STAG3: variants seen among roughly 807,000 people sequenced by gnomAD.
STAG3 encodes the protein cohesin subunit SA-3.
Under a neutral mutation model 160.7 loss-of-function variants are expected in STAG3, and 101 were observed. The observed-to-expected ratio is 0.63, with a 90% CI of 0.54 to 0.74. The LOEUF (loss-of-function observed/expected upper bound fraction) is 0.74, where lower values mean the gene tolerates loss of function less well. Among genes scored for constraint, STAG3 ranks in the 30% least tolerant of loss-of-function variants. The pLI is 0.00. For synonymous variants in STAG3, 519 were observed against 585.0 expected (o/e 0.89, Z 1.63); for missense variants, 1,188 against 1,517.4 (o/e 0.78, Z 3.61).
chr7:100,213,863 G>C, intron 33 of STAG3, 57 bp downstream of exon 33: 1 of 1,613,730 alleles, frequency 6.2e-7, no homozygotes, highest in East Asian at 2.2e-5. Flanking sequence ...CAGGCAACCC[G>C]TGCACTCATC....
At chr7:100,179,477 A>T (rs955972707) in intron 1 of STAG3, among the ~76,000 whole-genome samples, 1 of 152,064 alleles carries the variant, frequency 6.6e-6, no homozygotes, top group Non-Finnish European at 1.5e-5. Context: ...CTCCCGCCTC[A>T]GCCGCCTAAA....
chr7:100,189,204 A>G (rs1229793209), intron 7 of STAG3, among the ~76,000 whole-genome samples, 188 bp downstream of exon 7: 1 of 151,966 alleles, frequency 6.6e-6, no homozygotes, highest in Non-Finnish European at 1.5e-5. Context: ...CACAGCAACA[A>G]TTTCCAGGTT....
intron 32 of STAG3, 84 bp downstream of exon 32, chr7:100,211,960 C>T: frequency 8.0e-7 from 1 of 1,254,804 alleles, no homozygotes; most frequent in Admixed American, 2.1e-5. Context: ...CCTCTCTCCG[C>T]TCGGTGATGC....
rs767357096 is a variant in STAG3, at chr7:100,199,337, C to T, written c.1543C>T (p.Leu515=). 2.5e-6 allele frequency: 4 copies of T among 1,614,134 alleles called. No individual in the cohort carries two copies. In the South Asian group the frequency reaches 4.4e-5, roughly 18 times the overall value. The stretch of plus-strand genomic sequence containing the variant: ...GGCTCGGCTGAAGGACTGGGAGGGT[C>T]TGACAAGCCTGCTGCTGGAGAAGGA... The part of the protein sequence containing the change: ...AGARLKDWEG[L]TSLLLEKDQN... The change falls in exon 15 of 34, where the codon CTG becomes TTG. Residue 515 remains leucine, a synonymous_variant. Coordinates refer to ENST00000615138, the MANE Select transcript of STAG3 (RefSeq NM_001282717.2).
chr7:100,197,536 G>A (rs1462044420), intron 10 of STAG3: 1 of 642,756 alleles, frequency 1.6e-6, no homozygotes, highest in Non-Finnish European at 2.8e-6. Flanking sequence ...GTTATTGATG[G>A]ATGGTAATGC....
At position 100,200,522 on chromosome 7, in the gene STAG3, T is replaced by C. The variant is rs1207955503; in HGVS notation, c.1840T>C (p.Cys614Arg). 1 of 1,614,084 alleles carries C rather than the reference T, an allele frequency of 6.2e-7. No individual in the cohort carries two copies. The change falls in exon 18 of 34, where the codon TGC becomes CGC. Residue 614 changes from cysteine (C) to arginine (R), a missense_variant. Transcript: ENST00000615138. ...LLSCFDLHIY[C>R]TGRLEKHLEL... ...CAGCTGCTTTGACCTCCACATCTAC[T>C]GCACTGGGCGCTTGGAGAAGGTAGG...
intron 11 of STAG3, 26 bp from the exon 12 acceptor site, chr7:100,198,061 A>G: frequency 6.2e-7 from 1 of 1,612,192 alleles, no homozygotes; most frequent in South Asian, 1.1e-5. Context: ...GTAATGAGAT[A>G]TTGAGTGACT....
At chr7:100,213,276 ATG>A in intron 32 of STAG3, 1 of 1,010,948 alleles carries the variant, frequency 9.9e-7, no homozygotes, top group African/African-American at 1.7e-5. Context: ...GGATTTCAAT[ATG>A]TGGGTTTAGG....
At chr7:100,214,744 T>G (rs965647888), downstream of STAG3, among the ~76,000 whole-genome samples, 5 of 152,164 alleles carry the variant, frequency 3.3e-5, no homozygotes, top group African/African-American at 1.2e-4. Context: ...AATTTTATCC[T>G]CATCCCAAAG....
intron 9 of STAG3, 30 bp downstream of exon 9, chr7:100,195,412 A>C: frequency 1.2e-6 from 2 of 1,602,820 alleles, no homozygotes; most frequent in Non-Finnish European, 1.7e-6. Flanking sequence ...TCATTGAAGC[A>C]GCTGGCCTTT....
downstream of STAG3, among the ~76,000 whole-genome samples, chr7:100,217,116 T>A (rs1802828977): frequency 6.6e-6 from 1 of 152,178 alleles, no homozygotes; most frequent in Non-Finnish European, 1.5e-5. Flanking sequence ...ACAATGTTTT[T>A]ATCTACACTT....
At chr7:100,185,970 T>G (rs1799974208) in intron 4 of STAG3, among the ~76,000 whole-genome samples, 1 of 152,236 alleles carries the variant, frequency 6.6e-6, no homozygotes, top group African/African-American at 2.4e-5. Context: ...CCCCAGGGAT[T>G]AATGAAACCT....
Position 100,202,533 on chromosome 7 carries a change from G to A in STAG3, c.2643G>A (p.Leu881=). ...RRLLAGFCKL[L]LYGVLEMDAA... The stretch of plus-strand genomic sequence containing the variant: ...TCCTAGCCGGGTTCTGCAAGCTGTT[G>A]CTTTATGGGGTGCTGGAGATGGATG... The change falls in exon 25 of 34, where the codon TTG becomes TTA. Residue 881 remains leucine, a synonymous_variant. Coordinates refer to ENST00000615138, the MANE Select transcript of STAG3 (RefSeq NM_001282717.2). 2 of 1,614,152 alleles carry A rather than the reference G, an allele frequency of 1.2e-6. No homozygotes were observed. Among genetic ancestry groups the A allele is most frequent in the Non-Finnish European group, 1.7e-6 (2 of 1,180,032 alleles).
chr7:100,202,088 C>G (rs192536269), intron 23 of STAG3, 47 bp downstream of exon 23: 25 of 1,611,076 alleles, frequency 1.6e-5, no homozygotes, highest in Non-Finnish European at 2.0e-5. Flanking sequence ...ATCCCTGCCC[C>G]CATTCCAAGG....
At chr7:100,203,213 T>C (rs1299075445) in intron 25 of STAG3, among the ~76,000 whole-genome samples, 2 of 149,588 alleles carry the variant, frequency 1.3e-5, no homozygotes, top group Non-Finnish European at 3.0e-5. Flanking sequence ...TGAGACAGAT[T>C]CTAGCTCTGT....
chr7:100,201,807 C>CT lies in STAG3; in HGVS notation c.2244dup (p.Val749CysfsTer14). 6.2e-7 allele frequency: 1 copy of CT among 1,614,156 alleles called. No individual in the cohort carries two copies. The highest frequency in any genetic ancestry group is 8.5e-7 in the Non-Finnish European group (1 of 1,180,026). On this transcript the variant is annotated frameshift_variant, in exon 22 of 34. Coordinates refer to ENST00000615138, the MANE Select transcript of STAG3 (RefSeq NM_001282717.2). LOFTEE classifies it high-confidence loss of function. ...ACAGGTTATCCTGCCAGCCTTGACT[C>CT]TTGTCTATTTTTCCATTCTCTGGAC...
intron 1 of STAG3, among the ~76,000 whole-genome samples, chr7:100,179,379 C>G (rs939510138): frequency 3.3e-5 from 5 of 151,372 alleles, no homozygotes; most frequent in Non-Finnish European, 4.4e-5. Context: ...TGCGCAACAA[C>G]ACCTAGCTAG....
chr7:100,200,853 C>G lies in STAG3; in HGVS notation c.1945C>G (p.Leu649Val). The change falls in exon 19 of 34, where the codon CTC (leucine) becomes GTC (valine). Residue 649 changes from leucine (L) to valine (V), a missense_variant. Around this residue, in one of 4 missense-constraint regions of STAG3, gnomAD observed 647 missense variants for 717.2 expected, o/e 0.90. Transcript: ENST00000615138. The part of the protein sequence containing the change: ...PAVLEAGAHA[L>V]YLLCNPEFTF... Reference sequence around the variant, plus strand: ...GGTGCTTGAGGCTGGGGCGCATGCCCTCTACCTGCTCTGTAATCCCGAATT... The same window carrying G: ...GGTGCTTGAGGCTGGGGCGCATGCCGTCTACCTGCTCTGTAATCCCGAATT... The G allele has an allele frequency of 6.2e-7, 1 of 1,614,202 alleles. No individual in the cohort carries two copies. The highest frequency in any genetic ancestry group is 8.5e-7 in the Non-Finnish European group (1 of 1,180,036).
chr7:100,190,466 G>A (rs535684508), intron 8 of STAG3, among the ~76,000 whole-genome samples: 35 of 152,252 alleles, frequency 2.3e-4, no homozygotes, highest in African/African-American at 8.2e-4. Flanking sequence ...TTGTTATTTT[G>A]CATTGTCAGG....
Sources: allele counts gnomAD v4.1 joint callset (sites outside exome capture counted in the v4.1 genomes callset), GRCh38; gene constraint gnomAD v4.1.1; regional missense constraint gnomAD v4.1.1; transcripts MANE v1.5; gene names NCBI Gene and HGNC (gene_info 2026-07-23, HGNC 2026-07-21).